Variants in DEPDC5 observed in about 807,000 individuals in gnomAD.
DEPDC5 encodes the protein DEP domain containing 5, GATOR1 subcomplex subunit, also known as GATOR1 complex protein DEPDC5.
A neutral mutation model predicts 217.3 loss-of-function variants in DEPDC5; 73 were observed. That is an observed-to-expected ratio of 0.34 (90% CI 0.28 to 0.41). The LOEUF is 0.41. Ranked by LOEUF, DEPDC5 falls within the 10% of genes least tolerant of loss-of-function variation. DEPDC5 has a pLI of 1.00. For missense variants in DEPDC5, 1,675 were observed against 2,070.1 expected, an observed-to-expected ratio of 0.81 and a Z score of 3.70; for synonymous variants, 733 against 756.7, an observed-to-expected ratio of 0.97 and a Z score of 0.51.
chr22:31,778,913 C>T (rs2084153191), intron 8 of DEPDC5, among the ~76,000 whole-genome samples: 1 of 152,158 alleles, frequency 6.6e-6, no homozygotes, highest in African/African-American at 2.4e-5. Context: ...GTTGTCACAA[C>T]TGAGGGGTTG....
chr22:31,853,940 C>T (rs2092157456), intron 31 of DEPDC5, among the ~76,000 whole-genome samples: 1 of 152,238 alleles, frequency 6.6e-6, no homozygotes, highest in South Asian at 2.1e-4. Context: ...AGTGTGCCAT[C>T]TGCCTGCAGA....
intron 38 of DEPDC5, chr22:31,890,997 C>T (rs879663267): frequency 4.8e-6 from 1 of 208,618 alleles, no homozygotes. Context: ...GGATTACAGG[C>T]GTGAGCCACC....
intron 7 of DEPDC5, chr22:31,777,894 T>G: frequency 1.8e-6 from 1 of 555,490 alleles, no homozygotes; most frequent in Non-Finnish European, 3.2e-6. Context: ...ACTACAGGCA[T>G]GTGTCACCAT....
intron 27 of DEPDC5, among the ~76,000 whole-genome samples, chr22:31,840,373 C>A (rs936174048): frequency 6.6e-6 from 1 of 152,084 alleles, no homozygotes; most frequent in Non-Finnish European, 1.5e-5. Flanking sequence ...TTTCTGGACA[C>A]CAAAAAGAAG....
chr22:31,874,467 C>G, intron 36 of DEPDC5, 62 bp downstream of exon 36: 1 of 1,529,202 alleles, frequency 6.5e-7, no homozygotes, highest in Admixed American at 2.2e-5. Flanking sequence ...CAGGGCCTGC[C>G]TTAGAAGCCA....
rs2087021039 is a variant in DEPDC5 at position 31,802,815 on chromosome 22, C to G, written c.1058C>G (p.Thr353Ser). ...GTGGACCGCCTACTCATGATCCTGA[C>G]CAAGCAGCGGATGATAGATAATGGT... is the stretch of plus-strand genomic sequence containing the variant. ...FEVDRLLMIL[T>S]KQRMIDNGIG... The change falls in exon 15 of 43, where the codon ACC (threonine) becomes AGC (serine). Residue 353 changes from threonine (T) to serine (S), a missense_variant. Thr to Ser is a moderately conservative substitution (Grantham distance 58, BLOSUM62 1). This residue lies in a region of DEPDC5 where 628 missense variants were observed against 762.1 expected (regional missense o/e 0.82). Transcript: ENST00000651528. 1 of 1,605,276 alleles carries G rather than the reference C, an allele frequency of 6.2e-7. No individual in the cohort carries two copies. Among genetic ancestry groups the G allele is most frequent in the Non-Finnish European group, 8.5e-7 (1 of 1,176,210 alleles).
chr22:31,760,182 C>T (rs1419146893), intron 3 of DEPDC5, among the ~76,000 whole-genome samples: 1 of 152,114 alleles, frequency 6.6e-6, no homozygotes, highest in Admixed American at 6.6e-5. Flanking sequence ...ATTCTCCTGC[C>T]TCAGCCTCCC....
In DEPDC5 at chr22:31,907,024, C is replaced by CGA; in HGVS notation, c.*527_*528insGA. The CGA allele has an allele frequency of 6.3e-6, 1 of 159,228 alleles. No homozygotes were observed. Among genetic ancestry groups the CGA allele is most frequent in the Admixed American group, 5.9e-5 (1 of 16,900 alleles). 9.9% of individuals were successfully genotyped at this position (159,228 alleles called of 1,614,324 possible). On this transcript the variant is annotated 3_prime_UTR_variant, in exon 43 of 43. Transcript: ENST00000651528. ...GAGCTCCACGTGCATCATTTCTTTC[C>CGA]CCACCCAGTTCCCCACAGAAGCAGT...
At chr22:31,901,448 A>T (rs763687641) in intron 40 of DEPDC5, among the ~76,000 whole-genome samples, 15 of 152,200 alleles carry the variant, frequency 9.9e-5, no homozygotes, top group Non-Finnish European at 2.1e-4. Flanking sequence ...ATAAGAAGTC[A>T]TTCGAATGAG....
rs201146392 is a variant in DEPDC5 at position 31,843,795 on chromosome 22, C to T, written c.2784C>T (p.Ala928=). The change falls in exon 29 of 43, where the codon GCC becomes GCT. Residue 928 remains alanine, a synonymous_variant. Transcript: ENST00000651528. ...WNYLDQYICS[A]GSEDFSLIES... ...ACTTAGATCAGTATATCTGTTCTGCCGGCTCTGAAGACTTCAGGTCAGAGA... is the reference window on the plus strand; with the variant it reads ...ACTTAGATCAGTATATCTGTTCTGCTGGCTCTGAAGACTTCAGGTCAGAGA... The T allele has an allele frequency of 2.1e-4, 343 of 1,606,068 alleles. No homozygotes were observed. Among genetic ancestry groups the T allele is most frequent in the Non-Finnish European group, 2.8e-4 (323 of 1,173,458 alleles).
At chr22:31,862,480 G>A (rs780053227) in intron 33 of DEPDC5, among the ~76,000 whole-genome samples, 5 of 152,050 alleles carry the variant, frequency 3.3e-5, no homozygotes, top group African/African-American at 4.8e-5. Flanking sequence ...CAGGAGAATC[G>A]CTTGAACCCA....
In DEPDC5 at chr22:31,882,916, G is replaced by A. The variant is rs556617733; in HGVS notation, c.4033+3164G>A. ...TAGGATTACAGGTGGGAGCCATTAC[G>A]CCCGGCCTGTTCTTCCTTTTCTTGA... On this transcript the variant is annotated intron_variant, in intron 38 of 42. Transcript: ENST00000651528. Among the ~76,000 whole-genome samples, 65 of 152,076 alleles carry A rather than the reference G, an allele frequency of 4.3e-4. 1 individual carries two copies. In the South Asian group the frequency reaches 0.013, roughly 30 times the overall value.
At chr22:31,813,388 G>A (rs1383643812) in intron 20 of DEPDC5, among the ~76,000 whole-genome samples, 2 of 152,170 alleles carry the variant, frequency 1.3e-5, no homozygotes, top group South Asian at 2.1e-4. Context: ...GTCTTAATTG[G>A]TGCTACCTTC....
Position 31,879,659 on chromosome 22 carries a change from C to T in DEPDC5, c.3940C>T (p.Pro1314Ser), listed in dbSNP as rs2093121770. 6.2e-7 allele frequency: 1 copy of T among 1,614,144 alleles called. No homozygotes were observed. Among genetic ancestry groups the T allele is most frequent in the Non-Finnish European group, 8.5e-7 (1 of 1,180,030 alleles). The stretch of plus-strand genomic sequence containing the variant: ...CTCTGAGATTCCTGCCTTTCTCCTG[C>T]CCTGGCTGCCTAGCCGGCCAGCCTC... ...VHSEIPAFLL[P>S]WLPSRPASYA... The change falls in exon 38 of 43, where the codon CCC becomes TCC. Residue 1314 changes from proline (P) to serine (S), a missense_variant. By Grantham distance (74) the Pro-to-Ser change is moderately conservative. Transcript: ENST00000651528.
At chr22:31,773,137 A>G (rs925728642) in intron 7 of DEPDC5, among the ~76,000 whole-genome samples, 1 of 152,080 alleles carries the variant, frequency 6.6e-6, no homozygotes, top group African/African-American at 2.4e-5. Context: ...TCATACACAC[A>G]GTTCTAGATG....
At chr22:31,780,956 G>T (rs1041479415) in intron 8 of DEPDC5, among the ~76,000 whole-genome samples, 2 of 152,162 alleles carry the variant, frequency 1.3e-5, no homozygotes, top group South Asian at 4.1e-4. Context: ...GGTGGCTCAC[G>T]CCTGTAATCC....
intron 33 of DEPDC5, among the ~76,000 whole-genome samples, chr22:31,869,917 T>G (rs1012068): frequency 0.37 from 55,460 of 151,908 alleles, 11,522 homozygotes; most frequent in African/African-American, 0.57. Flanking sequence ...TCAGGGGCTA[T>G]TTAGAAGAAT....
Position 31,811,164 on chromosome 22 carries a change from G to GGTTCAAGCGATTCTCCTGC in DEPDC5, c.1445+524_1445+542dup, listed in dbSNP as rs570897711. Among the ~76,000 whole-genome samples, 68 of 152,212 alleles carry GGTTCAAGCGATTCTCCTGC rather than the reference G, an allele frequency of 4.5e-4. No individual in the cohort carries two copies. In the East Asian group the frequency reaches 0.011, roughly 25 times the overall value. On this transcript the variant is annotated intron_variant, in intron 20 of 42. Transcript: ENST00000651528. ...TGCTCACTGCAACTTCCGCCTCCTG[G>GGTTCAAGCGATTCTCCTGC]GTTCAAGCGATTCTCCTGCCTCAGC...
At chr22:31,802,093 C>A (rs2086923070) in intron 14 of DEPDC5, among the ~76,000 whole-genome samples, 2 of 141,432 alleles carry the variant, frequency 1.4e-5, no homozygotes, top group African/African-American at 5.2e-5. Flanking sequence ...ACTACAGATT[C>A]ATTTATGGAA....
Sources: gnomAD v4.1 joint callset for allele counts (sites outside exome capture counted in the v4.1 genomes callset) on GRCh38, gnomAD v4.1.1 for gene constraint, gnomAD v4.1.1 regional missense constraint, MANE v1.5 for transcripts, NCBI Gene and HGNC (gene_info 2026-07-23, HGNC 2026-07-21) for gene names.